BOP1: variants seen among roughly 807,000 people sequenced by gnomAD.
BOP1 encodes the protein BOP1 ribosomal biogenesis factor, also known as ribosome biogenesis protein BOP1.
BOP1 carries 54 observed loss-of-function variants against 82.9 expected under a neutral mutation model. The observed-to-expected ratio is 0.65, with a 90% CI of 0.52 to 0.82. The LOEUF is 0.82. BOP1 is among the 40% of genes least tolerant of loss of function. The pLI, the probability that BOP1 is intolerant of heterozygous loss-of-function variation, is 0.00. For synonymous variants in BOP1, 566 were observed against 451.1 expected, an observed-to-expected ratio of 1.25 and a Z score of -3.23; for missense variants, 1,170 against 1,072.0, an observed-to-expected ratio of 1.09 and a Z score of -1.28.
Position 144,291,188 on chromosome 8 carries a change from G to A in BOP1, c.99+84C>T. The A allele has an allele frequency of 8.1e-7, 1 of 1,227,194 alleles. No individual in the cohort carries two copies. Among genetic ancestry groups the A allele is most frequent in the Non-Finnish European group, 1.0e-6 (1 of 962,324 alleles). 76.0% of individuals were successfully genotyped at this position (1,227,194 alleles called of 1,614,324 possible). On this transcript the variant is annotated intron_variant, in intron 1 of 15. Coordinates refer to ENST00000569669, the MANE Select transcript of BOP1 (RefSeq NM_015201.5). The surrounding 1 kb of genome is among the most constrained non-coding windows in gnomAD (Gnocchi z 4.1). The stretch of plus-strand genomic sequence containing the variant: ...GGGCGCGGGCGCCCAGGTGACAGAA[G>A]CCGGGCCCACCCGCCCCAGCGCGGC...
At chr8:144,265,613 C>T (rs1435564728) in intron 3 of BOP1, 1 of 166,116 alleles carries the variant, frequency 6.0e-6, no homozygotes, top group Non-Finnish European at 1.3e-5. Flanking sequence ...CCAGCCGCCA[C>T]CCTCGCTCCT....
Position 144,268,354 on chromosome 8 carries a change from C to T in BOP1, c.391-3283G>A, listed in dbSNP as rs1471284000. The T allele has an allele frequency of 5.3e-5, 34 of 639,112 alleles. No individual in the cohort carries two copies. The East Asian group carries it at 8.1e-4, about 15-fold the overall frequency. 39.6% of individuals were successfully genotyped at this position (639,112 alleles called of 1,614,324 possible). On this transcript the variant is annotated intron_variant, in intron 3 of 15. Transcript: ENST00000569669. ...CTCTGCGCTGGCCCCAGCACCTGCC[C>T]GGGCCCACTGGAACTTTCTGCGCTG...
chr8:144,272,921 G>A (rs1845514237), intron 3 of BOP1, among the ~76,000 whole-genome samples: 2 of 152,084 alleles, frequency 1.3e-5, no homozygotes, highest in Admixed American at 6.5e-5. Flanking sequence ...GGGCGCGCCC[G>A]TTTCCCTCCT....
chr8:144,266,624 C>A, intron 3 of BOP1: 1 of 1,219,736 alleles, frequency 8.2e-7, no homozygotes, highest in Non-Finnish European at 1.0e-6. Flanking sequence ...ATGTCCTTCG[C>A]CACGCTGCGC....
intron 3 of BOP1, among the ~76,000 whole-genome samples, chr8:144,272,387 C>A (rs2130229875): frequency 6.6e-6 from 1 of 152,288 alleles, no homozygotes; most frequent in South Asian, 2.1e-4. Flanking sequence ...TGCAGAACAG[C>A]CCCGGCCTTG....
At chr8:144,274,991 A>G (rs973479162) in intron 3 of BOP1, among the ~76,000 whole-genome samples, 8 of 152,264 alleles carry the variant, frequency 5.3e-5, no homozygotes, top group Admixed American at 2.0e-4. Context: ...CCGGCCAGGA[A>G]ACCAATTTAT....
intron 3 of BOP1, chr8:144,266,736 C>T (rs1269544958): frequency 1.8e-6 from 2 of 1,106,880 alleles, no homozygotes; most frequent in African/African-American, 1.7e-5. Flanking sequence ...AACCCTGTCG[C>T]GTGCACGCGG....
chr8:144,267,096 GCCCCCGCCGCCT>G (rs1400607460), intron 3 of BOP1: 1 of 1,403,808 alleles, frequency 7.1e-7, no homozygotes, highest in East Asian at 3.0e-5. Flanking sequence ...CCCCGCCGCC[GCCCCCGCCGCCT>G]CCCGCCCGCG....
chr8:144,272,079 C>T (rs1484077864), intron 3 of BOP1, among the ~76,000 whole-genome samples: 4 of 152,130 alleles, frequency 2.6e-5, no homozygotes, highest in African/African-American at 9.7e-5. Flanking sequence ...GCAGAGCACC[C>T]CAACGCCTGG....
intron 3 of BOP1, among the ~76,000 whole-genome samples, chr8:144,272,800 C>T (rs1482113657): frequency 6.6e-6 from 1 of 152,180 alleles, no homozygotes; most frequent in Non-Finnish European, 1.5e-5. Flanking sequence ...GGTCTCTCCT[C>T]TCCCAAACCG....
chr8:144,275,129 T>TC (rs1198068135), intron 3 of BOP1, among the ~76,000 whole-genome samples: 1 of 151,516 alleles, frequency 6.6e-6, no homozygotes, highest in Non-Finnish European at 1.5e-5. Flanking sequence ...GGCGCGTGTC[T>TC]CCCCCAGGCC....
At chr8:144,279,061 C>T (rs1293696491) in intron 2 of BOP1, among the ~76,000 whole-genome samples, 1 of 136,376 alleles carries the variant, frequency 7.3e-6, no homozygotes, top group Non-Finnish European at 1.6e-5. Context: ...ACCAGAGGCC[C>T]CAAGACCACC....
Position 144,264,313 on chromosome 8 carries a change from T to C in BOP1, c.890A>G (p.Lys297Arg), listed in dbSNP as rs1757365259. 6.2e-7 allele frequency: 1 copy of C among 1,610,622 alleles called. No individual in the cohort carries two copies. Among genetic ancestry groups the C allele is most frequent in the South Asian group, 1.1e-5 (1 of 90,980 alleles). ...EDPNAVLGRH[K>R]MHVPAPKLAL... ...CAGCTTGGGAGCAGGTACGTGCATCTTGTGGCGCCCGAGCACGGCGTTGGG... is the reference window on the plus strand; with the variant it reads ...CAGCTTGGGAGCAGGTACGTGCATCCTGTGGCGCCCGAGCACGGCGTTGGG... Residue 297 changes from lysine to arginine, a missense_variant, in exon 7 of 16, where the codon AAG (lysine) becomes AGG (arginine). Physicochemically the swap from Lys to Arg is conservative, Grantham distance 26. Transcript: ENST00000569669.
At chr8:144,263,174 G>C in intron 12 of BOP1, 33 bp from the exon 13 acceptor site, 1 of 1,592,364 alleles carries the variant, frequency 6.3e-7, no homozygotes, top group Non-Finnish European at 8.5e-7. Context: ...GAGTGGCTGA[G>C]CCGGGCCCCT....
intron 3 of BOP1, chr8:144,266,644 C>A: frequency 8.0e-7 from 1 of 1,246,270 alleles, no homozygotes; most frequent in Non-Finnish European, 1.0e-6. Context: ...CCCGGCGCCG[C>A]CGGGCCGCTA....
Position 144,264,464 on chromosome 8 carries a change from G to A in BOP1, c.766-27C>T, listed in dbSNP as rs1845309747. 3.1e-6 allele frequency: 5 copies of A among 1,606,512 alleles called. No individual in the cohort carries two copies. The African/African-American group carries it at 5.3e-5, about 17-fold the overall frequency. ...TGCATAGACAGCCGGGTCAGGACGGGCAGTGCGGGGCGGTCAGCCCAGGCC... is the reference window on the plus strand; with the variant it reads ...TGCATAGACAGCCGGGTCAGGACGGACAGTGCGGGGCGGTCAGCCCAGGCC... On this transcript the variant is annotated intron_variant, in intron 6 of 15. Coordinates refer to ENST00000569669, the MANE Select transcript of BOP1 (RefSeq NM_015201.5).
chr8:144,276,367 G>GA (rs1845568285), intron 2 of BOP1, 63 bp from the exon 3 acceptor site: 3 of 1,577,954 alleles, frequency 1.9e-6, no homozygotes, highest in Non-Finnish European at 8.6e-7. Flanking sequence ...ACCTTGGGGG[G>GA]ATCCCAGGAA....
chr8:144,285,191 C>T (rs1417919253), intron 2 of BOP1, among the ~76,000 whole-genome samples: 2 of 152,218 alleles, frequency 1.3e-5, no homozygotes, highest in Non-Finnish European at 2.9e-5. Context: ...CCATCGGGGC[C>T]GGGTATACCC....
chr8:144,278,016 C>T (rs587721450), intron 2 of BOP1, among the ~76,000 whole-genome samples: 21 of 152,342 alleles, frequency 1.4e-4, no homozygotes, highest in South Asian at 4.1e-4. Context: ...GACCCCCTCC[C>T]GCCACGCCCA....
Sources: gnomAD v4.1 joint callset for allele counts (sites outside exome capture counted in the v4.1 genomes callset) on GRCh38, gnomAD v4.1.1 for gene constraint, Gnocchi (gnomAD v3.1) non-coding constraint, MANE v1.5 for transcripts, NCBI Gene and HGNC (gene_info 2026-07-23, HGNC 2026-07-21) for gene names.